The following KCTD10 variants were observed in gnomAD, a reference collection of about 807,000 sequenced individuals.
KCTD10 encodes potassium channel tetramerization domain containing 10.
KCTD10 carries 13 observed loss-of-function variants against 34.6 expected under a neutral mutation model. That is an observed-to-expected ratio of 0.38 (90% confidence interval 0.24 to 0.60). KCTD10 has a LOEUF of 0.60. Among genes scored for constraint, KCTD10 ranks in the 20% least tolerant of loss-of-function variants. KCTD10 has a pLI of 0.66. For synonymous variants in KCTD10, 156 were observed against 168.8 expected (o/e 0.92, Z 0.59); for missense variants, 256 against 420.3 (o/e 0.61, Z 3.42).
chr12:109,475,428 G>A (rs991763595), intron 1 of KCTD10, among the ~76,000 whole-genome samples: 1 of 152,172 alleles, frequency 6.6e-6, no homozygotes, highest in Non-Finnish European at 1.5e-5. Flanking sequence ...AGTGAGCCAA[G>A]ATAATACCAG....
At position 109,460,373 on chromosome 12, in the gene KCTD10, G is replaced by T; in HGVS notation, c.387+263C>A. On this transcript the variant is annotated intron_variant, in intron 3 of 6. Transcript: ENST00000228495. This position sits in a 1 kb window ranked among gnomAD's most constrained non-coding sequence, Gnocchi z 4.5. ...CAAGTTTCACACCGCGGGGTTCTCT[G>T]CTGAAGGGTTGAGATGTACACATGA... 2.2e-6 allele frequency: 1 copy of T among 446,610 alleles called. No individual in the cohort carries two copies. Among genetic ancestry groups the T allele is most frequent in the South Asian group, 2.9e-5 (1 of 34,450 alleles). The allele number at this position is 446,610 out of a possible 1,614,324, so 27.7% of individuals were successfully genotyped here.
At chr12:109,469,919 G>C (rs112381663) in intron 1 of KCTD10, 191 bp from the exon 2 acceptor site, 1 of 1,308,286 alleles carries the variant, frequency 7.6e-7, no homozygotes, top group Non-Finnish European at 1.0e-6. Context: ...CCTAAAATCA[G>C]AGGCCAACTG....
At chr12:109,470,397 G>A in intron 1 of KCTD10, 1 of 985,482 alleles carries the variant, frequency 1.0e-6, no homozygotes, top group Non-Finnish European at 1.2e-6. Context: ...CTGCCCAAAA[G>A]AGCAAGATCC....
intron 4 of KCTD10, 109 bp from the exon 5 acceptor site, chr12:109,457,791 C>G: frequency 8.1e-7 from 1 of 1,230,244 alleles, no homozygotes. Flanking sequence ...AAGAGGCAGA[C>G]AAGCATAGCT....
intron 1 of KCTD10, among the ~76,000 whole-genome samples, chr12:109,477,041 C>G (rs567336990): frequency 6.6e-6 from 1 of 152,212 alleles, no homozygotes; most frequent in African/African-American, 2.4e-5. Context: ...GATTCCTAAC[C>G]GCCAGGGAGC....
At chr12:109,465,885 C>T (rs1873562196) in intron 2 of KCTD10, among the ~76,000 whole-genome samples, 2 of 152,112 alleles carry the variant, frequency 1.3e-5, no homozygotes, top group South Asian at 4.1e-4. Flanking sequence ...AGTGTACGCA[C>T]TAATTCCAAA....
At position 109,451,763 on chromosome 12, in the gene KCTD10, C is replaced by T. The variant is rs762404760; in HGVS notation, c.774G>A (p.Leu258=). Residue 258 remains leucine (L), a synonymous_variant, in exon 7 of 7, where the codon CTG becomes CTA. Transcript: ENST00000228495. This position sits in a 1 kb window ranked among gnomAD's most constrained non-coding sequence, Gnocchi z 5.0. The part of the protein sequence containing the change: ...RIYEETLNIL[L]YEAQDGRGPD... ...GTCCCCGGCCATCCTGGGCCTCATA[C>T]AGCAAAATGTTCAGGGTCTCCTCAT... is the stretch of plus-strand genomic sequence containing the variant. 6.2e-7 allele frequency: 1 copy of T among 1,614,148 alleles called. No individual in the cohort carries two copies. The highest frequency in any genetic ancestry group is 8.5e-7 in the Non-Finnish European group (1 of 1,180,002).
At chr12:109,453,510 G>C (rs866091212) in intron 6 of KCTD10, among the ~76,000 whole-genome samples, 1 of 152,052 alleles carries the variant, frequency 6.6e-6, no homozygotes, top group Non-Finnish European at 1.5e-5. Context: ...TTATTTTCTT[G>C]CACCCAGACC....
At chr12:109,454,863 C>T (rs992818439) in intron 6 of KCTD10, among the ~76,000 whole-genome samples, 3 of 152,194 alleles carry the variant, frequency 2.0e-5, no homozygotes, top group Non-Finnish European at 4.4e-5. Flanking sequence ...ACCATGTGGT[C>T]TCTAAATCCC....
intron 1 of KCTD10, chr12:109,470,421 C>T (rs1873828312): frequency 1.0e-6 from 1 of 985,416 alleles, no homozygotes; most frequent in Admixed American, 6.1e-5. Context: ...TACCATCTCC[C>T]TGATAGCATG....
chr12:109,475,382 T>C lies in KCTD10; in HGVS notation c.3+1878A>G, dbSNP rs367648181. On this transcript the variant is annotated intron_variant, in intron 1 of 6. Coordinates refer to ENST00000228495, the MANE Select transcript of KCTD10 (RefSeq NM_031954.5). The stretch of plus-strand genomic sequence containing the variant: ...GTCCCAGCTACTCGGGAGACTGCGG[T>C]GGGAGGACTGCTTGAGGCAGGGAAG... Among the ~76,000 whole-genome samples, 18 of 151,402 alleles carry C rather than the reference T, an allele frequency of 1.2e-4. No individual in the cohort carries two copies. The East Asian group carries it at 2.5e-3, about 21-fold the overall frequency.
intron 2 of KCTD10, among the ~76,000 whole-genome samples, chr12:109,466,295 A>G (rs570142918): frequency 6.6e-6 from 1 of 152,314 alleles, no homozygotes; most frequent in South Asian, 2.1e-4. Context: ...AACAAAAGCC[A>G]TAATTGACAG....
intron 2 of KCTD10, among the ~76,000 whole-genome samples, chr12:109,462,176 C>T (rs1873363911): frequency 6.6e-6 from 1 of 152,212 alleles, no homozygotes; most frequent in Non-Finnish European, 1.5e-5. Context: ...TGCCAAGTGC[C>T]CTCTCATGGT....
Position 109,451,639 on chromosome 12 carries a change from T to C in KCTD10, c.898A>G (p.Ile300Val). The C allele has an allele frequency of 1.2e-6, 2 of 1,611,772 alleles. No individual in the cohort carries two copies. Among genetic ancestry groups the C allele is most frequent in the Non-Finnish European group, 1.7e-6 (2 of 1,179,506 alleles). ...CGGTCATCAGGGCGCTTGATGTGGA[T>C]CCTCCGCACGCGCTCGATCCGCTCC... ...ERERIERVRR[I>V]HIKRPDDRAH... The change falls in exon 7 of 7, where the codon ATC becomes GTC. Residue 300 changes from isoleucine to valine, a missense_variant. This residue lies in a region of KCTD10 where 60 missense variants were observed against 89.0 expected (regional missense o/e 0.67). Coordinates refer to ENST00000228495, the MANE Select transcript of KCTD10 (RefSeq NM_031954.5). This position sits in a 1 kb window ranked among gnomAD's most constrained non-coding sequence, Gnocchi z 5.0.
chr12:109,467,201 A>G (rs1873632159), intron 2 of KCTD10, among the ~76,000 whole-genome samples: 1 of 152,236 alleles, frequency 6.6e-6, no homozygotes, highest in South Asian at 2.1e-4. Flanking sequence ...TGGGTTCAGC[A>G]GCTTCACCTT....
intron 5 of KCTD10, chr12:109,456,525 TAATA>T: frequency 1.7e-6 from 1 of 585,986 alleles, no homozygotes; most frequent in Non-Finnish European, 3.1e-6. Flanking sequence ...AGGCTGAACC[TAATA>T]AATGGCAGAC....
At chr12:109,456,869 C>T (rs557908049) in intron 5 of KCTD10, 2 of 160,502 alleles carry the variant, frequency 1.2e-5, no homozygotes, top group East Asian at 1.8e-4. Flanking sequence ...GGCAGGTCCT[C>T]GAATGATTAA....
At chr12:109,471,166 A>G in intron 1 of KCTD10, 1 of 985,452 alleles carries the variant, frequency 1.0e-6, no homozygotes, top group South Asian at 4.7e-5. Flanking sequence ...CAGATTTTCT[A>G]TAATGAATGG....
chr12:109,450,597 C>G lies in KCTD10; in HGVS notation c.*998G>C. ...AGGGTGTCCCTGCCTGGATGCCAGGCTGGGAGGACAAAGGGTATGGGCCAC... is the reference window on the plus strand; with the variant it reads ...AGGGTGTCCCTGCCTGGATGCCAGGGTGGGAGGACAAAGGGTATGGGCCAC... On this transcript the variant is annotated 3_prime_UTR_variant, in exon 7 of 7. Coordinates refer to ENST00000228495, the MANE Select transcript of KCTD10 (RefSeq NM_031954.5). The G allele has an allele frequency of 2.6e-6, 1 of 387,952 alleles. No homozygotes were observed. The highest frequency in any genetic ancestry group is 4.6e-6 in the Non-Finnish European group (1 of 219,756). The allele number at this position is 387,952 out of a possible 1,614,324, so 24.0% of individuals were successfully genotyped here. A position where few individuals can be genotyped will look rare whatever the true frequency, so the allele number is the denominator to read the frequency against.
Sources: gnomAD v4.1 joint callset for allele counts (sites outside exome capture counted in the v4.1 genomes callset) on GRCh38, gnomAD v4.1.1 for gene constraint, gnomAD v4.1.1 regional missense constraint, Gnocchi (gnomAD v3.1) non-coding constraint, MANE v1.5 for transcripts, NCBI Gene and HGNC (gene_info 2026-07-23, HGNC 2026-07-21) for gene names.